Variants in ESYT3 observed in about 807,000 individuals in gnomAD.
The protein encoded by ESYT3 is extended synaptotagmin 3.
Under a neutral mutation model 111.5 loss-of-function variants are expected in ESYT3, and 101 were observed. The observed-to-expected ratio is 0.91, with a 90% CI of 0.77 to 1.07. The LOEUF is 1.07. Ranked by LOEUF, ESYT3 falls within the 50% of genes least tolerant of loss-of-function variation. The pLI, the probability that ESYT3 is intolerant of heterozygous loss-of-function variation, is 0.00. For synonymous variants in ESYT3, 416 were observed against 446.8 expected (o/e 0.93, Z 0.87); for missense variants, 1,097 against 1,109.4 (o/e 0.99, Z 0.16).
In ESYT3 at chr3:138,452,040, T is replaced by C; in HGVS notation, c.328-8T>C. 1 of 1,613,654 alleles carries C rather than the reference T, an allele frequency of 6.2e-7. No homozygotes were observed. Among genetic ancestry groups the C allele is most frequent in the Non-Finnish European group, 8.5e-7 (1 of 1,179,898 alleles). On this transcript the variant is annotated splice_region_variant and splice_polypyrimidine_tract_variant and intron_variant, in intron 1 of 22. Coordinates refer to ENST00000389567, the MANE Select transcript of ESYT3 (RefSeq NM_031913.5). ...TAGTCTAACTTCCCCTCGGGGCTTCTTTCCTAGATCCACTTCCCGGACGTG... is the reference window on the plus strand; with the variant it reads ...TAGTCTAACTTCCCCTCGGGGCTTCCTTCCTAGATCCACTTCCCGGACGTG...
intron 8 of ESYT3, 156 bp downstream of exon 8, chr3:138,462,362 A>G: frequency 9.3e-7 from 1 of 1,071,576 alleles, no homozygotes; most frequent in South Asian, 1.6e-5. Context: ...TAATTACTAA[A>G]GACATTTTGT....
At chr3:138,447,167 T>C (rs1376967095) in intron 1 of ESYT3, among the ~76,000 whole-genome samples, 1 of 152,024 alleles carries the variant, frequency 6.6e-6, no homozygotes, top group African/African-American at 2.4e-5. Context: ...TTTCTGAAAA[T>C]GATAAATGAA....
At chr3:138,445,141 T>C (rs2031445391) in intron 1 of ESYT3, among the ~76,000 whole-genome samples, 1 of 152,220 alleles carries the variant, frequency 6.6e-6, no homozygotes, top group Non-Finnish European at 1.5e-5. Flanking sequence ...CACAGAAGTC[T>C]GAGAATCGCT....
rs143750665 is a variant in ESYT3 at position 138,473,718 on chromosome 3, A to G, written c.2336+84A>G. The G allele has an allele frequency of 8.7e-4, 989 of 1,140,716 alleles. 3 individuals are homozygous for G. In the African/African-American group the frequency reaches 0.013, roughly 15 times the overall value. 70.7% of individuals were successfully genotyped at this position (1,140,716 alleles called of 1,614,324 possible). ...AGTAGGGACACTCAGAGCAATGAAA[A>G]GGGCACATAGTCCCAAGATAAATAA... On this transcript the variant is annotated intron_variant, in intron 19 of 22. Transcript: ENST00000389567.
At chr3:138,476,173 A>G (rs940016548) in intron 20 of ESYT3, 50 bp from the exon 21 acceptor site, 8 of 1,255,956 alleles carry the variant, frequency 6.4e-6, no homozygotes, top group African/African-American at 5.9e-5. Context: ...TAGATTTTCA[A>G]GAAAACTGAA....
At chr3:138,446,579 T>C (rs1400962190) in intron 1 of ESYT3, among the ~76,000 whole-genome samples, 1 of 152,194 alleles carries the variant, frequency 6.6e-6, no homozygotes, top group Non-Finnish European at 1.5e-5. Context: ...AGAAGGTTGT[T>C]ATATGCTTGT....
At chr3:138,467,709 G>A in intron 11 of ESYT3, 100 bp downstream of exon 11, 1 of 1,098,312 alleles carries the variant, frequency 9.1e-7, no homozygotes, top group South Asian at 1.4e-5. Context: ...CTATGCTGTG[G>A]TCCCCCTCTG....
chr3:138,461,883 G>A (rs1404954659), intron 7 of ESYT3, among the ~76,000 whole-genome samples: 2 of 152,068 alleles, frequency 1.3e-5, no homozygotes, highest in Admixed American at 6.5e-5. Context: ...GTAGGTGGGA[G>A]GACTGCTGTT....
At chr3:138,453,395 A>C (rs1022042926) in intron 2 of ESYT3, among the ~76,000 whole-genome samples, 2 of 152,186 alleles carry the variant, frequency 1.3e-5, no homozygotes, top group African/African-American at 4.8e-5. Flanking sequence ...TGTCCTAACA[A>C]GCTTTAAACT....
At position 138,456,046 on chromosome 3, in the gene ESYT3, C is replaced by T. The variant is rs532900068; in HGVS notation, c.504+718C>T. On this transcript the variant is annotated intron_variant, in intron 3 of 22. Transcript: ENST00000389567. ...GTCTTCCCAGCAACGAGCAGGTGTC[C>T]AAGTATAGGCCAGCCTGCTGAGAGA... Among the ~76,000 whole-genome samples, 4 of 152,366 alleles carry T rather than the reference C, an allele frequency of 2.6e-5. No homozygotes were observed. The East Asian group carries it at 7.7e-4, about 29-fold the overall frequency.
chr3:138,451,049 C>T (rs975464178), intron 1 of ESYT3, among the ~76,000 whole-genome samples: 3 of 152,222 alleles, frequency 2.0e-5, no homozygotes, highest in African/African-American at 7.2e-5. Flanking sequence ...AAGAAAACCC[C>T]TGGGGGAATG....
intron 1 of ESYT3, among the ~76,000 whole-genome samples, chr3:138,436,110 A>C (rs1173249100): frequency 1.3e-5 from 2 of 152,182 alleles, no homozygotes; most frequent in East Asian, 3.8e-4. Flanking sequence ...TGTGAGAAAA[A>C]AATATAAGGC....
At position 138,464,507 on chromosome 3, in the gene ESYT3, G is replaced by T. The variant is rs1371538354; in HGVS notation, c.1078G>T (p.Val360Leu). ...GAACCTGAACCCCACCTGGAACGAAGTGTTTGAGGTAAGGGTCTCCTTGGC... is the reference window on the plus strand; with the variant it reads ...GAACCTGAACCCCACCTGGAACGAATTGTTTGAGGTAAGGGTCTCCTTGGC... The part of the protein sequence containing the change: ...YRNLNPTWNE[V>L]FEFMVYEVPG... The change falls in exon 9 of 23, where the codon GTG becomes TTG. Residue 360 changes from valine to leucine, a missense_variant. By Grantham distance (32) the Val-to-Leu change is conservative (BLOSUM62 1). Coordinates refer to ENST00000389567, the MANE Select transcript of ESYT3 (RefSeq NM_031913.5). The T allele has an allele frequency of 6.2e-7, 1 of 1,614,030 alleles. No homozygotes were observed.
intron 8 of ESYT3, among the ~76,000 whole-genome samples, chr3:138,463,482 C>T (rs2032760401): frequency 6.6e-6 from 1 of 152,198 alleles, no homozygotes; most frequent in Non-Finnish European, 1.5e-5. Context: ...TTAAGAGCTC[C>T]AAAGTACTTC....
In ESYT3 at chr3:138,474,280, C is replaced by T; in HGVS notation, c.2396C>T (p.Pro799Leu). Reference sequence around the variant, plus strand: ...CCCTACGTCCGTGTCTACTTGTTGCCAGAAAGGAAGTGGGCATGTCGTAAG... The same window carrying T: ...CCCTACGTCCGTGTCTACTTGTTGCTAGAAAGGAAGTGGGCATGTCGTAAG... ...ADPYVRVYLL[P>L]ERKWACRKKT... Residue 799 changes from proline (P) to leucine (L), a missense_variant, in exon 20 of 23, where the codon CCA becomes CTA. Pro to Leu is a moderately conservative substitution (Grantham distance 98). Transcript: ENST00000389567. 1 of 1,613,202 alleles carries T rather than the reference C, an allele frequency of 6.2e-7. No homozygotes were observed. Among genetic ancestry groups the T allele is most frequent in the African/African-American group, 1.3e-5 (1 of 74,906 alleles).
rs1011991227 is a variant in ESYT3, at chr3:138,435,709, C to T, written c.327+584C>T. 6.6e-6 allele frequency among the ~76,000 whole-genome samples: 1 copy of T among 152,014 alleles called. No individual in the cohort carries two copies. Among genetic ancestry groups the T allele is most frequent in the African/African-American group, 2.4e-5 (1 of 41,372 alleles). On this transcript the variant is annotated intron_variant, in intron 1 of 22. Coordinates refer to ENST00000389567, the MANE Select transcript of ESYT3 (RefSeq NM_031913.5). This position sits in a 1 kb window ranked among gnomAD's most constrained non-coding sequence, Gnocchi z 4.8. The stretch of plus-strand genomic sequence containing the variant: ...CCCTCCCTCCGCCGGATAGGGATGC[C>T]GGCACACGCACACTGCCCCGACAAA...
chr3:138,436,871 G>GCCTCTAGACACTGAGCTATATGT (rs2030741823), intron 1 of ESYT3, among the ~76,000 whole-genome samples: 3 of 152,206 alleles, frequency 2.0e-5, no homozygotes, highest in Non-Finnish European at 2.9e-5. Flanking sequence ...TATCAGGGAA[G>GCCTCTAGACACTGAGCTATATGT]CCTCTAGACA....
chr3:138,463,700 T>TA (rs369652950), intron 8 of ESYT3, among the ~76,000 whole-genome samples: 11 of 152,320 alleles, frequency 7.2e-5, no homozygotes, highest in African/African-American at 2.4e-4. Flanking sequence ...TTACTAATGT[T>TA]AAAAAAATTC....
rs183005883 is a variant in ESYT3, at chr3:138,455,463, T to A, written c.504+135T>A. 9 of 864,546 alleles carry A rather than the reference T, an allele frequency of 1.0e-5. No homozygotes were observed. The Admixed American group carries it at 2.9e-4, about 28-fold the overall frequency. The allele number at this position is 864,546 out of a possible 1,614,324, so 53.6% of individuals were successfully genotyped here. ...CACTGGACCTTACAGGGGGACACCCTCCCGCCACCACCTGCATTTCCCAGC... is the reference window on the plus strand; with the variant it reads ...CACTGGACCTTACAGGGGGACACCCACCCGCCACCACCTGCATTTCCCAGC... On this transcript the variant is annotated intron_variant, in intron 3 of 22. Coordinates refer to ENST00000389567, the MANE Select transcript of ESYT3 (RefSeq NM_031913.5).
Sources: allele counts gnomAD v4.1 joint callset (sites outside exome capture counted in the v4.1 genomes callset), GRCh38; gene constraint gnomAD v4.1.1; non-coding constraint Gnocchi (gnomAD v3.1); transcripts MANE v1.5; gene names NCBI Gene and HGNC (gene_info 2026-07-23, HGNC 2026-07-21).